The following SNX30 variants were observed in gnomAD, a reference collection of about 807,000 sequenced individuals.
The protein encoded by SNX30 is sorting nexin family member 30.
A neutral mutation model predicts 46.4 loss-of-function variants in SNX30; 24 were observed. The observed-to-expected ratio is 0.52, with a 90% confidence interval of 0.37 to 0.73. The LOEUF is 0.73. Ranked by LOEUF, SNX30 falls within the 30% of genes least tolerant of loss-of-function variation. The pLI is 0.00. For synonymous variants in SNX30, 189 were observed against 211.5 expected, an observed-to-expected ratio of 0.89 and a Z score of 0.92; for missense variants, 533 against 555.7, an observed-to-expected ratio of 0.96 and a Z score of 0.41.
intron 6 of SNX30, among the ~76,000 whole-genome samples, chr9:112,841,699 T>C (rs992797427): frequency 1.3e-5 from 2 of 152,246 alleles, no homozygotes; most frequent in Admixed American, 6.5e-5. Context: ...TGTCTGGGAT[T>C]ATCAGGGTCT....
chr9:112,827,206 A>G (rs181241028), intron 3 of SNX30, among the ~76,000 whole-genome samples: 19 of 152,324 alleles, frequency 1.2e-4, no homozygotes, highest in African/African-American at 3.4e-4. Flanking sequence ...CAGTCTTACA[A>G]CAAAGACACC....
At chr9:112,821,469 GTGTATATATA>G (rs2131428483) in intron 3 of SNX30, among the ~76,000 whole-genome samples, 1 of 151,992 alleles carries the variant, frequency 6.6e-6, no homozygotes, top group South Asian at 2.1e-4. Context: ...GTGTATATGT[GTGTATATATA>G]TGTGTGTGTA....
In SNX30 at chr9:112,847,206, A is replaced by T. The variant is rs552619044; in HGVS notation, c.1015-3653A>T. 7.9e-5 allele frequency among the ~76,000 whole-genome samples: 12 copies of T among 152,348 alleles called. No individual in the cohort carries two copies. In the South Asian group the frequency reaches 1.7e-3, roughly 21 times the overall value. On this transcript the variant is annotated intron_variant, in intron 6 of 8. Coordinates refer to ENST00000374232, the MANE Select transcript of SNX30 (RefSeq NM_001012994.2). Reference sequence around the variant, plus strand: ...CTTTTTATTATAGAAAAATTCAAACATATCACAAAATAGAATGATAACAAT... The same window carrying T: ...CTTTTTATTATAGAAAAATTCAAACTTATCACAAAATAGAATGATAACAAT...
At chr9:112,756,777 A>C (rs1839357827) in intron 1 of SNX30, among the ~76,000 whole-genome samples, 1 of 152,160 alleles carries the variant, frequency 6.6e-6, no homozygotes, top group African/African-American at 2.4e-5. Context: ...CCTTTTTAAC[A>C]GTTCATCTGC....
intron 4 of SNX30, among the ~76,000 whole-genome samples, chr9:112,831,944 T>A (rs895126161): frequency 6.6e-6 from 1 of 152,238 alleles, no homozygotes; most frequent in Non-Finnish European, 1.5e-5. Flanking sequence ...ATATGTAACA[T>A]GTTCCATGTT....
intron 2 of SNX30, among the ~76,000 whole-genome samples, chr9:112,806,409 A>C (rs997401818): frequency 1.3e-5 from 2 of 152,202 alleles, no homozygotes; most frequent in African/African-American, 4.8e-5. Context: ...CACATAACAA[A>C]GAATGATTTA....
chr9:112,752,959 GT>G (rs762323993), intron 1 of SNX30, among the ~76,000 whole-genome samples: 21 of 152,150 alleles, frequency 1.4e-4, no homozygotes, highest in Non-Finnish European at 2.4e-4. Context: ...GTGGCAACTG[GT>G]TTTTCCCCCC....
chr9:112,779,745 G>A (rs1445833643), intron 1 of SNX30, among the ~76,000 whole-genome samples: 1 of 152,160 alleles, frequency 6.6e-6, no homozygotes, highest in Non-Finnish European at 1.5e-5. Flanking sequence ...GGTGAGGGCA[G>A]GTGAGGGAAG....
chr9:112,774,729 A>C (rs1049472882), intron 1 of SNX30, among the ~76,000 whole-genome samples: 1 of 152,034 alleles, frequency 6.6e-6, no homozygotes, highest in South Asian at 2.1e-4. Flanking sequence ...CCTCTTTCAC[A>C]TGCAAATTGG....
In SNX30 at chr9:112,871,338, A is replaced by C. The variant is rs955319670; in HGVS notation, c.*2495A>C. On this transcript the variant is annotated 3_prime_UTR_variant, in exon 9 of 9. Transcript: ENST00000374232. ...CATGAGGTGAGGAGGCTGGCCCAGA[A>C]GGAAGGGGACGTTAGGTGGTGAAGC... The C allele has an allele frequency of 6.6e-6, 1 of 152,136 alleles. No homozygotes were observed. The highest frequency in any genetic ancestry group is 2.4e-5 in the African/African-American group (1 of 41,430). The allele number at this position is 152,136 out of a possible 1,614,324, so 9.4% of individuals were successfully genotyped here.
chr9:112,846,074 T>A (rs1840936276), intron 6 of SNX30, among the ~76,000 whole-genome samples: 1 of 151,678 alleles, frequency 6.6e-6, no homozygotes, highest in Non-Finnish European at 1.5e-5. Flanking sequence ...AATAAAAAAA[T>A]TAATAGAAGA....
chr9:112,760,327 G>A (rs1208174270), intron 1 of SNX30, among the ~76,000 whole-genome samples: 1 of 152,186 alleles, frequency 6.6e-6, no homozygotes, highest in African/African-American at 2.4e-5. Flanking sequence ...CCAGTGGCAC[G>A]ATCTGAGGCA....
intron 1 of SNX30, among the ~76,000 whole-genome samples, chr9:112,762,505 A>G (rs1298582256): frequency 6.6e-6 from 1 of 151,066 alleles, no homozygotes; most frequent in Non-Finnish European, 1.5e-5. Flanking sequence ...AGCATGTGAA[A>G]AATGCTGCAT....
chr9:112,843,132 G>A (rs1032951724), intron 6 of SNX30, among the ~76,000 whole-genome samples: 2 of 152,142 alleles, frequency 1.3e-5, no homozygotes, highest in Non-Finnish European at 2.9e-5. Context: ...GCCAAATGTT[G>A]GAGAAGCTTT....
downstream of SNX30, chr9:112,885,535 C>T (rs778235835): frequency 1.2e-4 from 19 of 152,006 alleles, no homozygotes; most frequent in Non-Finnish European, 2.6e-4. Flanking sequence ...GCCTAACAGT[C>T]TAAAGAGAAC....
At chr9:112,757,537 A>G (rs573553900) in intron 1 of SNX30, among the ~76,000 whole-genome samples, 2 of 152,340 alleles carry the variant, frequency 1.3e-5, no homozygotes, top group African/African-American at 4.8e-5. Context: ...TTGCTGGGTC[A>G]TATGGTGGTT....
At chr9:112,811,034 TTGAA>T (rs1564276631) in intron 2 of SNX30, among the ~76,000 whole-genome samples, 1 of 152,114 alleles carries the variant, frequency 6.6e-6, no homozygotes, top group East Asian at 1.9e-4. Context: ...GTTTCAGAAT[TTGAA>T]TGGGCAGAAG....
chr9:112,833,058 C>T (rs762945440), intron 4 of SNX30, among the ~76,000 whole-genome samples: 3 of 151,860 alleles, frequency 2.0e-5, no homozygotes, highest in Non-Finnish European at 4.4e-5. Flanking sequence ...ATAAAATACA[C>T]CTAACATTTA....
intron 1 of SNX30, among the ~76,000 whole-genome samples, chr9:112,772,738 A>G (rs1332907608): frequency 6.6e-6 from 1 of 152,234 alleles, no homozygotes; most frequent in Non-Finnish European, 1.5e-5. Flanking sequence ...TATGAAAGCA[A>G]TGTTTGCATT....
Sources: gnomAD v4.1 joint callset for allele counts (sites outside exome capture counted in the v4.1 genomes callset) on GRCh38, gnomAD v4.1.1 for gene constraint, MANE v1.5 for transcripts, NCBI Gene and HGNC (gene_info 2026-07-23, HGNC 2026-07-21) for gene names.